The following CTIF variants were observed in gnomAD, a reference collection of about 807,000 sequenced individuals.
CTIF encodes the protein cap binding complex dependent translation initiation factor, also known as CBP80/20-dependent translation initiation factor.
In CTIF, 21 loss-of-function variants were observed where a neutral mutation model predicts 66.0. The observed-to-expected ratio is 0.32, with a 90% CI of 0.23 to 0.46. The LOEUF (loss-of-function observed/expected upper bound fraction) is 0.46, where lower values mean the gene tolerates loss of function less well. CTIF is among the 20% of genes least tolerant of loss of function. CTIF has a pLI of 1.00. For synonymous variants in CTIF, 345 were observed against 326.4 expected, an observed-to-expected ratio of 1.06 and a Z score of -0.62; for missense variants, 739 against 812.7, an observed-to-expected ratio of 0.91 and a Z score of 1.10.
rs141103188 is a variant in CTIF at position 48,732,901 on chromosome 18, A to T, written c.584+21206A>T. ...AAGGGTTTCATTCATTCGCGTTTTC[A>T]ATAGAGGCCGTGGTGTGCCTTGCAG... On this transcript the variant is annotated intron_variant, in intron 7 of 11. Transcript: ENST00000256413. Among the ~76,000 whole-genome samples the T allele has an allele frequency of 8.0e-3, 1,219 of 152,330 alleles. 7 individuals carry two copies. The highest frequency in any genetic ancestry group is 0.012 in the Non-Finnish European group (814 of 68,028).
intron 1 of CTIF, among the ~76,000 whole-genome samples, chr18:48,602,866 G>GATGC (rs1319207288): frequency 3.3e-5 from 5 of 149,968 alleles, no homozygotes; most frequent in Non-Finnish European, 7.4e-5. Flanking sequence ...TGGATGGATG[G>GATGC]ATGGATGGAT....
chr18:48,584,988 GT>G (rs1445000543), intron 1 of CTIF, among the ~76,000 whole-genome samples: 4 of 152,214 alleles, frequency 2.6e-5, no homozygotes, highest in African/African-American at 9.7e-5. Flanking sequence ...GCCATCAGTT[GT>G]TCTGAAAGGA....
At chr18:48,593,896 A>G (rs1185109711) in intron 1 of CTIF, among the ~76,000 whole-genome samples, 2 of 152,136 alleles carry the variant, frequency 1.3e-5, no homozygotes, top group East Asian at 1.9e-4. Context: ...CTGGGAACCC[A>G]TTCAGATCCT....
intron 9 of CTIF, among the ~76,000 whole-genome samples, chr18:48,809,632 A>G (rs1433664700): frequency 1.3e-5 from 2 of 152,122 alleles, no homozygotes; most frequent in African/African-American, 2.4e-5. Flanking sequence ...GCAGTTACCT[A>G]ATTTTTTGGA....
chr18:48,694,485 G>A (rs748306188), intron 6 of CTIF, among the ~76,000 whole-genome samples: 12 of 152,204 alleles, frequency 7.9e-5, no homozygotes, highest in African/African-American at 1.4e-4. Context: ...TTGAGCCACC[G>A]CTGTGCCCCT....
At chr18:48,635,327 C>CTTTTT (rs561455888) in intron 2 of CTIF, among the ~76,000 whole-genome samples, 96 of 113,352 alleles carry the variant, frequency 8.5e-4, no homozygotes, top group African/African-American at 1.1e-3. Flanking sequence ...CTTTTTCTTT[C>CTTTTT]TTTTTTTTTT....
chr18:48,831,028 AGAATTCATCTG>A (rs1270917637), intron 10 of CTIF, among the ~76,000 whole-genome samples: 1 of 152,252 alleles, frequency 6.6e-6, no homozygotes, highest in Non-Finnish European at 1.5e-5. Context: ...CAGCCCTTCT[AGAATTCATCTG>A]GAATGATTTC....
At chr18:48,566,456 T>G (rs1194231253) in intron 1 of CTIF, 4 of 152,204 alleles carry the variant, frequency 2.6e-5, no homozygotes, top group African/African-American at 4.8e-5. Context: ...AAACCCAAAA[T>G]AGGTTCTGTG....
intron 6 of CTIF, among the ~76,000 whole-genome samples, chr18:48,682,021 G>C (rs1461540802): frequency 6.6e-6 from 1 of 151,894 alleles, no homozygotes; most frequent in Non-Finnish European, 1.5e-5. Context: ...CCTGAGCTCA[G>C]GTGATCCACC....
chr18:48,598,060 C>T (rs1187761314), intron 1 of CTIF, among the ~76,000 whole-genome samples: 1 of 152,194 alleles, frequency 6.6e-6, no homozygotes. Flanking sequence ...TGAAGCCAAA[C>T]CCTTAGACTT....
At chr18:48,838,902 C>T (rs1431238021) in intron 10 of CTIF, among the ~76,000 whole-genome samples, 3 of 152,110 alleles carry the variant, frequency 2.0e-5, no homozygotes, top group African/African-American at 4.8e-5. Flanking sequence ...CTGACACCTC[C>T]CCGGGCCTGC....
intron 7 of CTIF, among the ~76,000 whole-genome samples, chr18:48,725,231 G>A (rs534774742): frequency 6.6e-6 from 1 of 152,286 alleles, no homozygotes; most frequent in East Asian, 1.9e-4. Context: ...AAGAGGCTGG[G>A]CGGAGGCTGG....
At chr18:48,684,503 T>C (rs1225418801) in intron 6 of CTIF, among the ~76,000 whole-genome samples, 1 of 152,188 alleles carries the variant, frequency 6.6e-6, no homozygotes, top group Admixed American at 6.5e-5. Flanking sequence ...TTTAAGTATA[T>C]CAATTCTAGT....
intron 3 of CTIF, among the ~76,000 whole-genome samples, chr18:48,654,759 T>C (rs2091215497): frequency 6.6e-6 from 1 of 152,132 alleles, no homozygotes; most frequent in Admixed American, 6.5e-5. Context: ...ATTAAGAAAA[T>C]GTGGCACATG....
intron 6 of CTIF, among the ~76,000 whole-genome samples, chr18:48,711,365 A>C (rs1300854343): frequency 6.6e-6 from 1 of 152,240 alleles, no homozygotes; most frequent in East Asian, 1.9e-4. Context: ...AAGGACTTGG[A>C]CATAATGGAT....
intron 3 of CTIF, among the ~76,000 whole-genome samples, chr18:48,647,245 G>A (rs952935427): frequency 3.3e-5 from 5 of 152,324 alleles, no homozygotes; most frequent in Middle Eastern, 3.4e-3. Flanking sequence ...ATTCTTGAGA[G>A]GGCAAAGTAA....
intron 9 of CTIF, among the ~76,000 whole-genome samples, chr18:48,788,136 C>T (rs1041916258): frequency 2.0e-5 from 3 of 152,184 alleles, no homozygotes; most frequent in Non-Finnish European, 4.4e-5. Flanking sequence ...GGCCGACCCT[C>T]TCTAGCCTTT....
intron 9 of CTIF, among the ~76,000 whole-genome samples, chr18:48,803,387 T>C (rs1433127569): frequency 2.0e-5 from 3 of 152,262 alleles, no homozygotes; most frequent in Non-Finnish European, 4.4e-5. Flanking sequence ...GGCTTGATTT[T>C]CATGTCCATT....
chr18:48,663,049 G>T (rs1465673759), intron 3 of CTIF, among the ~76,000 whole-genome samples: 4 of 152,146 alleles, frequency 2.6e-5, no homozygotes, highest in African/African-American at 9.7e-5. Context: ...CATACGGCGT[G>T]CACACGTTCA....
Sources: gnomAD v4.1 joint callset for allele counts (sites outside exome capture counted in the v4.1 genomes callset) on GRCh38, gnomAD v4.1.1 for gene constraint, MANE v1.5 for transcripts, NCBI Gene and HGNC (gene_info 2026-07-23, HGNC 2026-07-21) for gene names.